EPG5: variants seen among roughly 807,000 people sequenced by gnomAD.
The protein encoded by EPG5 is ectopic P granules protein 5 homolog.
Under a neutral mutation model 302.7 loss-of-function variants are expected in EPG5, and 159 were observed. That is an observed-to-expected ratio of 0.53 (90% CI 0.46 to 0.60). The LOEUF (loss-of-function observed/expected upper bound fraction) is 0.60. EPG5 is among the 20% of genes least tolerant of loss of function. EPG5 has a pLI of 0.00. For synonymous variants in EPG5, 1,158 were observed against 1,136.8 expected (o/e 1.02, Z -0.37); for missense variants, 2,896 against 3,092.4 (o/e 0.94, Z 1.51).
intron 1 of EPG5, among the ~76,000 whole-genome samples, chr18:45,958,803 G>A (rs1267043563): frequency 6.6e-6 from 1 of 152,118 alleles, no homozygotes; most frequent in African/African-American, 2.4e-5. Flanking sequence ...AGATCAATTG[G>A]ACTTCATCAA....
At position 45,937,951 on chromosome 18, in the gene EPG5, T is replaced by C. The variant is rs567068832; in HGVS notation, c.2099+1649A>G. Among the ~76,000 whole-genome samples, 8 of 152,246 alleles carry C rather than the reference T, an allele frequency of 5.3e-5. No homozygotes were observed. In the South Asian group the frequency reaches 8.3e-4, roughly 16 times the overall value. On this transcript the variant is annotated intron_variant, in intron 10 of 43. Coordinates refer to ENST00000282041, the MANE Select transcript of EPG5 (RefSeq NM_020964.3). ...GTTACAGCAAGGGTTCACAGCTCAA[T>C]ATATAAGCTCTAGTAAGTAACTAGG...
At position 45,904,117 on chromosome 18, in the gene EPG5, C is replaced by T. The variant is rs746682542; in HGVS notation, c.4330G>A (p.Asp1444Asn). The change falls in exon 25 of 44, where the codon GAT (aspartate) becomes AAT (asparagine). Residue 1444 changes from aspartate to asparagine, a missense_variant and splice_region_variant. Coordinates refer to ENST00000282041, the MANE Select transcript of EPG5 (RefSeq NM_020964.3). Reference sequence around the variant, plus strand: ...ATGTTCAAATACTCCATCCACAGATCCTGAAACAGAACGACAGTACTTTAA... The same window carrying T: ...ATGTTCAAATACTCCATCCACAGATTCTGAAACAGAACGACAGTACTTTAA... ...RLAKVMQNQQ[D>N]LWMEYLNMER... 1.2e-6 allele frequency: 2 copies of T among 1,609,490 alleles called. No homozygotes were observed. Among genetic ancestry groups the T allele is most frequent in the East Asian group, 2.3e-5 (1 of 44,444 alleles).
Position 45,867,659 on chromosome 18 carries a change from C to G in EPG5, c.6315G>C (p.Trp2105Cys). Residue 2105 changes from tryptophan to cysteine, a missense_variant, in exon 37 of 44, where the codon TGG becomes TGC. By Grantham distance (215) the Trp-to-Cys change is radical (BLOSUM62 -2). This residue lies in a region of EPG5 where 620 missense variants were observed against 704.2 expected (regional missense o/e 0.88). Transcript: ENST00000282041. Reference protein sequence around the residue: ...VNWVSVLSDAWNSSPHPETRS... With the variant: ...VNWVSVLSDACNSSPHPETRS... ...GGGTTTCTGGGTGGGGACTGGAATT[C>G]CAGGCATCAGAGAGCACACTAACCC... is the stretch of plus-strand genomic sequence containing the variant. 6.2e-7 allele frequency: 1 copy of G among 1,614,034 alleles called. No individual in the cohort carries two copies. Among genetic ancestry groups the G allele is most frequent in the Non-Finnish European group, 8.5e-7 (1 of 1,179,954 alleles).
chr18:45,947,923 C>T (rs1288653948), intron 6 of EPG5, among the ~76,000 whole-genome samples: 3 of 152,274 alleles, frequency 2.0e-5, no homozygotes, highest in Non-Finnish European at 2.9e-5. Flanking sequence ...TAGGTGATTA[C>T]ACCACCATGC....
At chr18:45,807,530 C>T in the EPG5 span, among the ~76,000 whole-genome samples, 7 of 152,214 alleles carry the variant, frequency 4.6e-5, no homozygotes, top group African/African-American at 1.7e-4. Context: ...AGCTGAGAGA[C>T]CCACAGACGG....
In EPG5 at chr18:45,848,361, G is replaced by A. The variant is rs1309794571; in HGVS notation, c.*4106C>T. On this transcript the variant is annotated 3_prime_UTR_variant, in exon 44 of 44. Coordinates refer to ENST00000282041, the MANE Select transcript of EPG5 (RefSeq NM_020964.3). ...TAAGGGCAAAGTGCCTTGTTGTTAG[G>A]CCTGTCATGAAGATGTGGGGTGAGA... The A allele has an allele frequency of 6.6e-6, 1 of 152,192 alleles. No homozygotes were observed. The highest frequency in any genetic ancestry group is 1.5e-5 in the Non-Finnish European group (1 of 68,034). 9.4% of individuals were successfully genotyped at this position (152,192 alleles called of 1,614,324 possible).
chr18:45,842,989 T>G (rs1460070760), downstream of EPG5: 1 of 152,316 alleles, frequency 6.6e-6, no homozygotes, highest in Non-Finnish European at 1.5e-5. Context: ...ATCTCCACTG[T>G]GACTGTCCCA....
chr18:45,872,763 C>T (rs1372640151), intron 35 of EPG5, among the ~76,000 whole-genome samples: 1 of 152,162 alleles, frequency 6.6e-6, no homozygotes, highest in Non-Finnish European at 1.5e-5. Flanking sequence ...TTCTAACATG[C>T]TTGTACCCTC....
Position 45,878,325 on chromosome 18 carries a change from T to C in EPG5, c.5942+51A>G, listed in dbSNP as rs748172970. The C allele has an allele frequency of 1.9e-5, 24 of 1,243,680 alleles. No homozygotes were observed. In the Admixed American group the frequency reaches 4.2e-4, roughly 22 times the overall value. The allele number at this position is 1,243,680 out of a possible 1,614,324, so 77.0% of individuals were successfully genotyped here. A position where few individuals can be genotyped will look rare whatever the true frequency, so the allele number is the denominator to read the frequency against. ...CACTTCTACCAAATACCATTTAGAA[T>C]TTTAAGTCTACAAACGTCAAAGGAA... On this transcript the variant is annotated intron_variant, in intron 34 of 43. Coordinates refer to ENST00000282041, the MANE Select transcript of EPG5 (RefSeq NM_020964.3).
At chr18:45,846,287 G>A (rs541037071), downstream of EPG5, among the ~76,000 whole-genome samples, 4 of 152,198 alleles carry the variant, frequency 2.6e-5, no homozygotes, top group Admixed American at 6.5e-5. Flanking sequence ...TTGGGAGGCC[G>A]AGGTGGGCGG....
the EPG5 span, among the ~76,000 whole-genome samples, chr18:45,832,924 A>C: frequency 6.6e-6 from 1 of 152,112 alleles, no homozygotes; most frequent in Non-Finnish European, 1.5e-5. Flanking sequence ...GCGGGAGTCC[A>C]AGTGCCCGCT....
chr18:45,846,004 T>C (rs1372031111), downstream of EPG5, among the ~76,000 whole-genome samples: 1 of 151,886 alleles, frequency 6.6e-6, no homozygotes, highest in East Asian at 1.9e-4. Flanking sequence ...ATGGGCTGAG[T>C]TTTCACTTGT....
the EPG5 span, among the ~76,000 whole-genome samples, chr18:45,816,027 C>T: frequency 6.6e-6 from 1 of 152,128 alleles, no homozygotes; most frequent in Non-Finnish European, 1.5e-5. Context: ...CAAACAAAAA[C>T]ATAAAGTGGA....
intron 7 of EPG5, among the ~76,000 whole-genome samples, chr18:45,944,650 G>A (rs1003636206): frequency 6.6e-6 from 1 of 152,090 alleles, no homozygotes; most frequent in Non-Finnish European, 1.5e-5. Context: ...AACAACTTAG[G>A]AGGCCAAGGC....
chr18:45,837,418 G>T, the EPG5 span: 1 of 1,385,194 alleles, frequency 7.2e-7, no homozygotes, highest in Non-Finnish European at 9.3e-7. Flanking sequence ...CTAGGGGTTG[G>T]GGGAGCGTTT....
intron 16 of EPG5, among the ~76,000 whole-genome samples, chr18:45,918,071 A>G (rs2050072953): frequency 6.6e-6 from 1 of 152,180 alleles, no homozygotes; most frequent in Admixed American, 6.5e-5. Flanking sequence ...AATTTCCTAG[A>G]GTAAGGTCAA....
At chr18:45,841,046 C>G in the EPG5 span, 1 of 152,280 alleles carries the variant, frequency 6.6e-6, no homozygotes, top group African/African-American at 2.4e-5. Flanking sequence ...CCTGACCTCA[C>G]AGAACTCATA....
chr18:45,915,691 T>C (rs1374328719), intron 19 of EPG5, 70 bp from the exon 20 acceptor site: 28 of 1,126,352 alleles, frequency 2.5e-5, no homozygotes, highest in Middle Eastern at 2.0e-4. Flanking sequence ...TTTACAAGAG[T>C]ATCAGCAACT....
intron 21 of EPG5, among the ~76,000 whole-genome samples, chr18:45,912,836 C>A (rs2049938465): frequency 6.6e-6 from 1 of 152,070 alleles, no homozygotes; most frequent in African/African-American, 2.4e-5. Flanking sequence ...ACCTGTAATC[C>A]CAGCACTTTG....
Sources: gnomAD v4.1 joint callset for allele counts (sites outside exome capture counted in the v4.1 genomes callset) on GRCh38, gnomAD v4.1.1 for gene constraint, gnomAD v4.1.1 regional missense constraint, MANE v1.5 for transcripts, NCBI Gene and HGNC (gene_info 2026-07-23, HGNC 2026-07-21) for gene names.